The following ARHGAP6 variants were observed in gnomAD, a reference collection of about 807,000 sequenced individuals.
The protein encoded by ARHGAP6 is rho GTPase-activating protein 6.
ARHGAP6 carries 16 observed loss-of-function variants against 55.7 expected under a neutral mutation model. That is an observed-to-expected ratio of 0.29 (90% CI 0.19 to 0.44). ARHGAP6 has a LOEUF of 0.44. Ranked by LOEUF, ARHGAP6 falls within the 20% of genes least tolerant of loss-of-function variation. The pLI, the probability that ARHGAP6 is intolerant of heterozygous loss-of-function variation, is 1.00. For synonymous variants in ARHGAP6, 382 were observed against 360.9 expected (o/e 1.06, Z -0.66); for missense variants, 698 against 808.9 (o/e 0.86, Z 1.66).
chrX:11,227,873 C>A (rs1031686448), intron 2 of ARHGAP6, among the ~76,000 whole-genome samples: 1 of 108,222 alleles, frequency 9.2e-6, no homozygotes, highest in African/African-American at 3.4e-5. Flanking sequence ...GGCTACATGT[C>A]CGAGTGAGTT....
At chrX:11,391,347 G>C (rs1188103669) in intron 1 of ARHGAP6, among the ~76,000 whole-genome samples, 1 of 110,761 alleles carries the variant, frequency 9.0e-6, no homozygotes, top group Non-Finnish European at 1.9e-5. Flanking sequence ...ATAGCATTAG[G>C]ATATATACCT....
chrX:11,341,369 A>AT (rs1478465270), intron 1 of ARHGAP6, among the ~76,000 whole-genome samples: 5 of 111,129 alleles, frequency 4.5e-5, no homozygotes, highest in African/African-American at 1.6e-4. Context: ...ATACTTCCCT[A>AT]TTTTTCATTT....
intron 1 of ARHGAP6, among the ~76,000 whole-genome samples, chrX:11,593,393 A>G (rs937108766): frequency 3.6e-5 from 4 of 112,108 alleles, no homozygotes; most frequent in Non-Finnish European, 7.5e-5. Context: ...TCTGGAAAAG[A>G]CCAAACCATA....
intron 9 of ARHGAP6, among the ~76,000 whole-genome samples, chrX:11,161,049 C>G (rs1021600535): frequency 2.7e-5 from 3 of 112,015 alleles, no homozygotes. Context: ...TGTGATTAAA[C>G]CACATTCTAA....
intron 1 of ARHGAP6, among the ~76,000 whole-genome samples, chrX:11,454,838 T>A (rs1011026118): frequency 1.4e-4 from 16 of 112,895 alleles, no homozygotes; most frequent in East Asian, 1.1e-3. Context: ...GTGTAAAATA[T>A]TTGTTATTCA....
chrX:11,431,576 CCCCACCA>C (rs1177700821), intron 1 of ARHGAP6, among the ~76,000 whole-genome samples: 1 of 111,620 alleles, frequency 9.0e-6, no homozygotes, highest in Non-Finnish European at 1.9e-5. Context: ...GAAGGCCCAG[CCCCACCA>C]TTGTTAACAG....
At chrX:11,650,944 A>G (rs2052577259) in intron 1 of ARHGAP6, among the ~76,000 whole-genome samples, 1 of 112,152 alleles carries the variant, frequency 8.9e-6, no homozygotes, top group African/African-American at 3.2e-5. Context: ...TCATTTATTG[A>G]CAATATATTA....
chrX:11,182,750 C>T (rs1403834980), intron 5 of ARHGAP6, among the ~76,000 whole-genome samples: 1 of 106,695 alleles, frequency 9.4e-6, no homozygotes, highest in Non-Finnish European at 1.9e-5. Context: ...ATTCTCCCAC[C>T]TTAGCGTCCA....
rs778858991 is a variant in ARHGAP6 at position 11,167,179 on chromosome X, A to T, written c.1809+2326T>A. Among the ~76,000 whole-genome samples, 3 of 112,162 alleles carry T rather than the reference A, an allele frequency of 2.7e-5. No individual in the cohort carries two copies. In the South Asian group the frequency reaches 1.1e-3, roughly 42 times the overall value. On this transcript the variant is annotated intron_variant, in intron 9 of 12. Transcript: ENST00000337414. ...CAGGCACAGGGGTAATGCAGTAAAG[A>T]AAGTACTATAGATAGAAATGGACCA...
chrX:11,307,270 A>G (rs1241696190), intron 1 of ARHGAP6, among the ~76,000 whole-genome samples: 1 of 111,157 alleles, frequency 9.0e-6, no homozygotes, highest in Non-Finnish European at 1.9e-5. Flanking sequence ...TTCACCGAGA[A>G]TGACAAGAAT....
At chrX:11,572,400 C>T (rs2051533518) in intron 1 of ARHGAP6, among the ~76,000 whole-genome samples, 1 of 109,515 alleles carries the variant, frequency 9.1e-6, no homozygotes, top group Non-Finnish European at 1.9e-5. Context: ...CATGTGTTCT[C>T]ATTGTTCAAT....
chrX:11,407,995 CTTA>C (rs1490391202), intron 1 of ARHGAP6, among the ~76,000 whole-genome samples: 1 of 111,176 alleles, frequency 9.0e-6, no homozygotes, highest in Non-Finnish European at 1.9e-5. Context: ...CTATAAATCA[CTTA>C]ACCAAAGCAT....
chrX:11,406,832 C>A (rs2049615148), intron 1 of ARHGAP6, among the ~76,000 whole-genome samples: 1 of 109,279 alleles, frequency 9.2e-6, no homozygotes, highest in South Asian at 3.9e-4. Flanking sequence ...TTGTTAAGCA[C>A]ATATATAACA....
intron 1 of ARHGAP6, among the ~76,000 whole-genome samples, chrX:11,281,002 A>G (rs1251338471): frequency 9.0e-6 from 1 of 111,525 alleles, no homozygotes; most frequent in Non-Finnish European, 1.9e-5. Flanking sequence ...ACAGCCCCGA[A>G]CTGTAAATTA....
chrX:11,425,682 G>C (rs2049871264), intron 1 of ARHGAP6, among the ~76,000 whole-genome samples: 1 of 112,461 alleles, frequency 8.9e-6, no homozygotes, highest in Non-Finnish European at 1.9e-5. Flanking sequence ...GCATCGGCTT[G>C]ACTCTTCAGT....
At chrX:11,661,337 C>A (rs1288794863) in intron 1 of ARHGAP6, among the ~76,000 whole-genome samples, 3 of 112,652 alleles carry the variant, frequency 2.7e-5, no homozygotes, top group Admixed American at 9.4e-5. Context: ...ATGATCTACC[C>A]AGCATGTCCA....
chrX:11,268,695 A>AT (rs3216378), intron 1 of ARHGAP6, among the ~76,000 whole-genome samples: 5,153 of 111,473 alleles, frequency 0.046, 88 homozygotes, highest in Middle Eastern at 0.089. Flanking sequence ...GGCAACCTGC[A>AT]TAGCCATGTG....
intron 1 of ARHGAP6, among the ~76,000 whole-genome samples, chrX:11,476,726 G>A (rs949494884): frequency 9.0e-6 from 1 of 111,148 alleles, no homozygotes; most frequent in Non-Finnish European, 1.9e-5. Context: ...GTAATTTAAT[G>A]GGGAAAGGAG....
intron 1 of ARHGAP6, among the ~76,000 whole-genome samples, chrX:11,567,666 T>C (rs1410504237): frequency 9.2e-6 from 1 of 108,538 alleles, no homozygotes; most frequent in Non-Finnish European, 1.9e-5. Context: ...CTTGTTTTCT[T>C]TTCTTTTCTT....
Sources: allele counts gnomAD v4.1 joint callset (sites outside exome capture counted in the v4.1 genomes callset), GRCh38; gene constraint gnomAD v4.1.1; transcripts MANE v1.5; gene names NCBI Gene and HGNC (gene_info 2026-07-23, HGNC 2026-07-21).